The following DAB1 variants were observed in gnomAD, a reference collection of about 807,000 sequenced individuals.
The protein encoded by DAB1 is DAB adaptor protein 1.
Under a neutral mutation model 64.6 loss-of-function variants are expected in DAB1, and 15 were observed. That is an observed-to-expected ratio of 0.23 (90% CI 0.16 to 0.36). DAB1 has a LOEUF of 0.36. Among genes scored for constraint, DAB1 ranks in the 10% least tolerant of loss-of-function variants. The pLI, the probability that DAB1 is intolerant of heterozygous loss-of-function variation, is 1.00. For synonymous variants in DAB1, 235 were observed against 251.9 expected (o/e 0.93, Z 0.64); for missense variants, 596 against 706.7 (o/e 0.84, Z 1.78).
At chr1:57,812,319 CAAAAAAAAAAAAA>C (rs67005172) in intron 6 of DAB1, among the ~76,000 whole-genome samples, 8 of 101,220 alleles carry the variant, frequency 7.9e-5, no homozygotes, top group Non-Finnish European at 1.0e-4. Flanking sequence ...GATTCATTGC[CAAAAAAAAAAAAA>C]AAAAAAGAAA....
At chr1:58,020,335 A>C (rs1205208542) in intron 5 of DAB1, among the ~76,000 whole-genome samples, 1 of 152,230 alleles carries the variant, frequency 6.6e-6, no homozygotes, top group East Asian at 1.9e-4. Context: ...AATACATTAA[A>C]ATAACTTTTT....
intron 2 of DAB1, among the ~76,000 whole-genome samples, chr1:57,238,937 G>A (rs1480941632): frequency 1.1e-4 from 17 of 150,484 alleles, no homozygotes; most frequent in African/African-American, 4.2e-4. Context: ...GGTGAGTCCC[G>A]AATATAATTT....
chr1:57,850,556 G>T (rs570807655), intron 1 of DAB1, among the ~76,000 whole-genome samples: 8 of 151,988 alleles, frequency 5.3e-5, no homozygotes, highest in Non-Finnish European at 1.2e-4. Flanking sequence ...CACCTCATAG[G>T]GGAAATCCTT....
At chr1:57,470,275 A>G (rs775290045) in intron 7 of DAB1, among the ~76,000 whole-genome samples, 3 of 152,184 alleles carry the variant, frequency 2.0e-5, no homozygotes, top group Non-Finnish European at 2.9e-5. Context: ...GGGTAGAAAT[A>G]TCTCAGGAAT....
intron 4 of DAB1, among the ~76,000 whole-genome samples, chr1:58,220,147 A>G (rs962173629): frequency 1.3e-5 from 2 of 152,206 alleles, no homozygotes; most frequent in Non-Finnish European, 2.9e-5. Context: ...TGGAATGGTA[A>G]ACTTTTTGTC....
intron 5 of DAB1, among the ~76,000 whole-genome samples, chr1:58,062,192 T>C (rs1648543742): frequency 6.6e-6 from 1 of 152,206 alleles, no homozygotes; most frequent in African/African-American, 2.4e-5. Context: ...GTAGCATAAG[T>C]GGTCTTTCTC....
intron 4 of DAB1, among the ~76,000 whole-genome samples, chr1:58,280,876 C>T (rs1661544056): frequency 6.6e-6 from 1 of 152,176 alleles, no homozygotes; most frequent in Admixed American, 6.5e-5. Flanking sequence ...ATCTGACAAT[C>T]TTTAAGGTGA....
intron 1 of DAB1, among the ~76,000 whole-genome samples, chr1:57,305,555 G>A (rs1674065472): frequency 6.6e-6 from 1 of 152,128 alleles, no homozygotes; most frequent in South Asian, 2.1e-4. Flanking sequence ...AGGCCCAGGT[G>A]AAGCCCTCCC....
At chr1:58,469,296 T>G (rs945386542) in intron 3 of DAB1, among the ~76,000 whole-genome samples, 1 of 152,172 alleles carries the variant, frequency 6.6e-6, no homozygotes, top group African/African-American at 2.4e-5. Context: ...AGGTCTCACT[T>G]TTGTTATCTG....
At chr1:57,245,030 C>G (rs79015467) in intron 2 of DAB1, among the ~76,000 whole-genome samples, 1 of 152,072 alleles carries the variant, frequency 6.6e-6, no homozygotes, top group Admixed American at 6.6e-5. Context: ...CAGAAGAAGA[C>G]AGGGAAATGT....
intron 3 of DAB1, among the ~76,000 whole-genome samples, chr1:58,504,690 C>T (rs1645959122): frequency 6.6e-6 from 1 of 152,172 alleles, no homozygotes; most frequent in Non-Finnish European, 1.5e-5. Context: ...TATCGATCTA[C>T]CTAATGAATG....
At chr1:57,554,340 T>C (rs1644962437) in intron 7 of DAB1, among the ~76,000 whole-genome samples, 1 of 152,238 alleles carries the variant, frequency 6.6e-6, no homozygotes, top group African/African-American at 2.4e-5. Context: ...TCGCTTGAAT[T>C]TTCCTAGCTT....
intron 6 of DAB1, among the ~76,000 whole-genome samples, chr1:57,770,292 C>G (rs1649499175): frequency 6.6e-6 from 1 of 152,066 alleles, no homozygotes; most frequent in South Asian, 2.1e-4. Context: ...GATTGATTGA[C>G]AGGGCCTCAC....
intron 4 of DAB1, among the ~76,000 whole-genome samples, chr1:58,252,579 T>G (rs1660829551): frequency 6.6e-6 from 1 of 152,154 alleles, no homozygotes; most frequent in Non-Finnish European, 1.5e-5. Context: ...ACGTGATAAT[T>G]TCTGATATCA....
intron 7 of DAB1, among the ~76,000 whole-genome samples, chr1:57,620,915 C>G (rs576595145): frequency 6.6e-6 from 1 of 152,280 alleles, no homozygotes; most frequent in South Asian, 2.1e-4. Context: ...TCCTCACTGA[C>G]AAGACAATTT....
At position 58,148,689 on chromosome 1, in the gene DAB1, A is replaced by G. The variant is rs182390216; in HGVS notation, n.387+1822T>C. Reference sequence around the variant, plus strand: ...GGCATGTCTTACATGGTGGCAGGAAAGAGCTTGCGCAGGGGAACTGCCCTT... The same window carrying G: ...GGCATGTCTTACATGGTGGCAGGAAGGAGCTTGCGCAGGGGAACTGCCCTT... On this transcript the variant is annotated intron_variant and non_coding_transcript_variant, in intron 5 of 20. Coordinates refer to the DAB1 transcript ENST00000485760. Among the ~76,000 whole-genome samples, 32 of 152,276 alleles carry G rather than the reference A, an allele frequency of 2.1e-4. No homozygotes were observed. In the East Asian group the frequency reaches 6.0e-3, roughly 29 times the overall value.
intron 3 of DAB1, among the ~76,000 whole-genome samples, chr1:58,489,398 G>T (rs1291838694): frequency 1.3e-5 from 2 of 152,228 alleles, no homozygotes; most frequent in African/African-American, 2.4e-5. Context: ...CTGGGGGAGG[G>T]GTGCCTGCCA....
chr1:57,653,909 C>A (rs2101658711), intron 6 of DAB1, among the ~76,000 whole-genome samples: 1 of 152,306 alleles, frequency 6.6e-6, no homozygotes, highest in African/African-American at 2.4e-5. Context: ...CTGTGCCCGG[C>A]CTATTAGATA....
At chr1:57,125,439 T>G (rs1385858311) in intron 4 of DAB1, among the ~76,000 whole-genome samples, 3 of 152,336 alleles carry the variant, frequency 2.0e-5, no homozygotes, top group Non-Finnish European at 2.9e-5. Flanking sequence ...GATATTATAC[T>G]TCTTCTATAG....
Sources: gnomAD v4.1 joint callset for allele counts (sites outside exome capture counted in the v4.1 genomes callset) on GRCh38, gnomAD v4.1.1 for gene constraint, MANE v1.5 for transcripts, NCBI Gene and HGNC (gene_info 2026-07-23, HGNC 2026-07-21) for gene names.